ZFYVE28: variants seen among roughly 807,000 people sequenced by gnomAD.
ZFYVE28 encodes the protein lateral signaling target protein 2 homolog.
Under a neutral mutation model 82.1 loss-of-function variants are expected in ZFYVE28, and 40 were observed. The observed-to-expected ratio is 0.49, with a 90% CI of 0.38 to 0.63. ZFYVE28 has a LOEUF of 0.63. ZFYVE28 is among the 30% of genes least tolerant of loss of function. The pLI, the probability that ZFYVE28 is intolerant of heterozygous loss-of-function variation, is 0.00. For missense variants in ZFYVE28, 1,321 were observed against 1,242.1 expected, an observed-to-expected ratio of 1.06 and a Z score of -0.96; for synonymous variants, 612 against 546.1, an observed-to-expected ratio of 1.12 and a Z score of -1.68.
At chr4:2,284,832 C>T (rs369338881) in intron 8 of ZFYVE28, among the ~76,000 whole-genome samples, 102 of 152,290 alleles carry the variant, frequency 6.7e-4, no homozygotes, top group African/African-American at 1.8e-3. Flanking sequence ...CAGGCCACAG[C>T]GGAAACCAAC....
rs747246359 is a variant in ZFYVE28, at chr4:2,304,404, C to T, written c.1936G>A (p.Ala646Thr). Residue 646 changes from alanine to threonine, a missense_variant, in exon 8 of 13, where the codon GCG (alanine) becomes ACG (threonine). Around this residue, in one of 2 missense-constraint regions of ZFYVE28, gnomAD observed 978 missense variants for 833.7 expected, o/e 1.17. Transcript: ENST00000290974. ...PHTSGSQVDT[A>T]SGLQGEAGVA... Reference sequence around the variant, plus strand: ...CCAGCCTCTCCTTGCAGCCCACTCGCTGTGTCCACCTGGGAACCTGAGGTG... The same window carrying T: ...CCAGCCTCTCCTTGCAGCCCACTCGTTGTGTCCACCTGGGAACCTGAGGTG... 1.9e-6 allele frequency: 3 copies of T among 1,613,450 alleles called. No homozygotes were observed. The highest frequency in any genetic ancestry group is 1.1e-5 in the South Asian group (1 of 91,090).
chr4:2,359,476 G>A (rs1222291833), intron 1 of ZFYVE28, among the ~76,000 whole-genome samples: 2 of 152,168 alleles, frequency 1.3e-5, no homozygotes, highest in Non-Finnish European at 1.5e-5. Flanking sequence ...GGTCATCAGG[G>A]CGGGCCCTAA....
At chr4:2,276,918 G>T (rs1377358056) in intron 8 of ZFYVE28, among the ~76,000 whole-genome samples, 1 of 152,034 alleles carries the variant, frequency 6.6e-6, no homozygotes, top group Non-Finnish European at 1.5e-5. Flanking sequence ...TGTGTTCAAT[G>T]CCACGAAATT....
intron 8 of ZFYVE28, among the ~76,000 whole-genome samples, chr4:2,296,848 G>C (rs1170448982): frequency 6.6e-6 from 1 of 152,350 alleles, no homozygotes; most frequent in East Asian, 1.9e-4. Flanking sequence ...CGGATCCGGA[G>C]AGCCCCCACA....
intron 8 of ZFYVE28, among the ~76,000 whole-genome samples, chr4:2,291,377 A>G (rs78292845): frequency 0.079 from 11,974 of 152,138 alleles, 664 homozygotes; most frequent in African/African-American, 0.15. Context: ...CTGGGGAGCA[A>G]GTGGCTGGCA....
chr4:2,353,872 G>T (rs935457810), intron 2 of ZFYVE28, 61 bp downstream of exon 2: 3 of 1,381,118 alleles, frequency 2.2e-6, no homozygotes, highest in Non-Finnish European at 2.8e-6. Context: ...GTCTACTGAG[G>T]ACAGGCCACT....
At position 2,272,765 on chromosome 4, in the gene ZFYVE28, G is replaced by A. The variant is rs539756504; in HGVS notation, c.2323+408C>T. On this transcript the variant is annotated intron_variant, in intron 10 of 12. Coordinates refer to ENST00000290974, the MANE Select transcript of ZFYVE28 (RefSeq NM_020972.3). ...CTCGGTAGAAGAGACGTGGCACCAC[G>A]GCCGAGTCTCATCCTTAAGAGGGAG... Among the ~76,000 whole-genome samples the A allele has an allele frequency of 3.7e-4, 57 of 152,188 alleles. 1 individual carries two copies. The highest frequency in any genetic ancestry group is 7.2e-4 in the Admixed American group (11 of 15,282).
At position 2,339,103 on chromosome 4, in the gene ZFYVE28, C is replaced by T. The variant is rs1367409172; in HGVS notation, c.521+350G>A. On this transcript the variant is annotated intron_variant, in intron 4 of 12. Transcript: ENST00000290974. This position sits in a 1 kb window ranked among gnomAD's most constrained non-coding sequence, Gnocchi z 5.0. ...CTGGGATTACAGGCGTGAGCCACCG[C>T]ACCCGCCTGGCTGCCTCTGTTTTCT... is the stretch of plus-strand genomic sequence containing the variant. 6.6e-6 allele frequency among the ~76,000 whole-genome samples: 1 copy of T among 152,208 alleles called. No homozygotes were observed. The highest frequency in any genetic ancestry group is 1.5e-5 in the Non-Finnish European group (1 of 68,030).
intron 2 of ZFYVE28, among the ~76,000 whole-genome samples, chr4:2,345,327 T>G (rs1409548602): frequency 1.3e-5 from 2 of 152,178 alleles, no homozygotes; most frequent in African/African-American, 4.8e-5. Flanking sequence ...TTAAGACGGT[T>G]GTTATAACTG....
chr4:2,418,270 A>G lies in ZFYVE28; in HGVS notation c.39+15T>C. The G allele has an allele frequency of 6.5e-7, 1 of 1,536,078 alleles. No individual in the cohort carries two copies. The highest frequency in any genetic ancestry group is 8.8e-7 in the Non-Finnish European group (1 of 1,140,608). Reference sequence around the variant, plus strand: ...CGCGACGCGGGGGGCGTCCGGCCCGAGCGGGGCCGCTCACCTTGGGTTTGT... The same window carrying G: ...CGCGACGCGGGGGGCGTCCGGCCCGGGCGGGGCCGCTCACCTTGGGTTTGT... On this transcript the variant is annotated intron_variant, in intron 1 of 12. Coordinates refer to ENST00000290974, the MANE Select transcript of ZFYVE28 (RefSeq NM_020972.3). This position sits in a 1 kb window ranked among gnomAD's most constrained non-coding sequence, Gnocchi z 4.6.
intron 1 of ZFYVE28, among the ~76,000 whole-genome samples, chr4:2,404,611 C>T (rs747803041): frequency 1.6e-4 from 24 of 152,132 alleles, no homozygotes; most frequent in Non-Finnish European, 2.9e-4. Context: ...TCCTTTTATA[C>T]GAAACGTCCA....
intron 8 of ZFYVE28, among the ~76,000 whole-genome samples, chr4:2,291,231 C>T (rs1179232777): frequency 6.6e-6 from 1 of 152,234 alleles, no homozygotes; most frequent in Admixed American, 6.5e-5. Flanking sequence ...GCGGTTGAAA[C>T]CCGCTTCCTC....
At chr4:2,278,765 C>T (rs79359196) in intron 8 of ZFYVE28, among the ~76,000 whole-genome samples, 1 of 147,632 alleles carries the variant, frequency 6.8e-6, no homozygotes, top group South Asian at 2.1e-4. Flanking sequence ...AAAAAAAAAA[C>T]ACTACTGAAC....
rs79727952 is a variant in ZFYVE28, at chr4:2,409,040, T to C, written c.39+9245A>G. ...TCCAACATGCCTGGGCATCTCGCAG[T>C]GGGGAGGTCTGCCTTTACGCGGTCT... On this transcript the variant is annotated intron_variant, in intron 1 of 12. Transcript: ENST00000290974. This position sits in a 1 kb window ranked among gnomAD's most constrained non-coding sequence, Gnocchi z 4.4. 0.033 allele frequency among the ~76,000 whole-genome samples: 5,069 copies of C among 152,250 alleles called. 130 individuals carry two copies. The highest frequency in any genetic ancestry group is 0.066 in the East Asian group (341 of 5,192).
intron 1 of ZFYVE28, among the ~76,000 whole-genome samples, chr4:2,361,968 C>A (rs1726227319): frequency 6.6e-6 from 1 of 152,122 alleles, no homozygotes; most frequent in African/African-American, 2.4e-5. Context: ...ACCAGCCCCG[C>A]CCCATGGGCC....
At position 2,271,667 on chromosome 4, in the gene ZFYVE28, C is replaced by T. The variant is rs765966387; in HGVS notation, c.2428+8G>A. ...GTGCAGTGTCCTGACCCAGAGCCTC[C>T]CACACACCTTCAAAGTCCCCATCGC... On this transcript the variant is annotated splice_region_variant and intron_variant, in intron 11 of 12. Transcript: ENST00000290974. 1 of 1,613,552 alleles carries T rather than the reference C, an allele frequency of 6.2e-7. No homozygotes were observed. Among genetic ancestry groups the T allele is most frequent in the Non-Finnish European group, 8.5e-7 (1 of 1,179,760 alleles).
At chr4:2,303,321 C>T (rs994550815) in intron 8 of ZFYVE28, among the ~76,000 whole-genome samples, 1 of 152,264 alleles carries the variant, frequency 6.6e-6, no homozygotes, top group African/African-American at 2.4e-5. Context: ...GTGTGAGGAC[C>T]CTCTCCTGGG....
chr4:2,384,872 G>C (rs146014337), intron 1 of ZFYVE28, among the ~76,000 whole-genome samples: 124 of 152,312 alleles, frequency 8.1e-4, no homozygotes, highest in African/African-American at 2.9e-3. Flanking sequence ...CAGAACTCTT[G>C]CCTTTTCAAG....
At chr4:2,303,260 G>C (rs976464275) in intron 8 of ZFYVE28, among the ~76,000 whole-genome samples, 1 of 152,100 alleles carries the variant, frequency 6.6e-6, no homozygotes, top group Non-Finnish European at 1.5e-5. Context: ...TGGGAGGACC[G>C]AGCACGGGAA....
Sources: allele counts gnomAD v4.1 joint callset (sites outside exome capture counted in the v4.1 genomes callset), GRCh38; gene constraint gnomAD v4.1.1; regional missense constraint gnomAD v4.1.1; non-coding constraint Gnocchi (gnomAD v3.1); transcripts MANE v1.5; gene names NCBI Gene and HGNC (gene_info 2026-07-23, HGNC 2026-07-21).